The following NSFL1C variants were observed in gnomAD, a reference collection of about 807,000 sequenced individuals.
NSFL1C encodes NSFL1 cofactor.
A neutral mutation model predicts 43.1 loss-of-function variants in NSFL1C; 14 were observed. The ratio of observed to expected loss-of-function variants is 0.32; its 90% CI spans 0.21 to 0.51. The LOEUF is 0.51. NSFL1C is among the 20% of genes least tolerant of loss of function. The pLI is 0.98. For synonymous variants in NSFL1C, 171 were observed against 183.5 expected, an observed-to-expected ratio of 0.93 and a Z score of 0.55; for missense variants, 406 against 472.5, an observed-to-expected ratio of 0.86 and a Z score of 1.30.
chr20:1,448,192 C>A (rs988575849), intron 7 of NSFL1C, among the ~76,000 whole-genome samples: 2 of 152,210 alleles, frequency 1.3e-5, no homozygotes, highest in Admixed American at 6.5e-5. Flanking sequence ...CAGCTCCACG[C>A]CTTTTGGGGA....
At chr20:1,464,502 A>AG in intron 1 of NSFL1C, 76 bp from the exon 2 acceptor site, 3 of 1,220,708 alleles carry the variant, frequency 2.5e-6, no homozygotes, top group Non-Finnish European at 3.6e-6. Flanking sequence ...AGCACAAAGG[A>AG]ATACAGACAT....
Position 1,449,637 on chromosome 20 carries a change from G to A in NSFL1C, c.785+2856C>T, listed in dbSNP as rs532150306. Among the ~76,000 whole-genome samples, 7 of 152,284 alleles carry A rather than the reference G, an allele frequency of 4.6e-5. No homozygotes were observed. In the East Asian group the frequency reaches 1.3e-3, roughly 29 times the overall value. ...GGTGCTTGATTCACAGGCAGGAAAGGTTAGAGCAGACGTCTATAAATAGTG... is the reference window on the plus strand; with the variant it reads ...GGTGCTTGATTCACAGGCAGGAAAGATTAGAGCAGACGTCTATAAATAGTG... On this transcript the variant is annotated intron_variant, in intron 7 of 8. Transcript: ENST00000216879.
At chr20:1,453,228 A>AGT in intron 5 of NSFL1C, 88 bp from the exon 6 acceptor site, 1 of 765,950 alleles carries the variant, frequency 1.3e-6, no homozygotes, top group South Asian at 1.4e-5. Flanking sequence ...ACTATTTCTC[A>AGT]GTGTTGCTAC....
rs776345990 is a variant in NSFL1C at position 1,464,306 on chromosome 20, C to T, written c.203+23G>A. On this transcript the variant is annotated intron_variant, in intron 2 of 8. Coordinates refer to ENST00000216879, the MANE Select transcript of NSFL1C (RefSeq NM_016143.5). ...TTCACTGCTGGAAACACTCATGTAG[C>T]GATAATTGAAGCTGGCCCTTACCTG... is the stretch of plus-strand genomic sequence containing the variant. 3.6e-5 allele frequency: 57 copies of T among 1,600,746 alleles called. No homozygotes were observed. In the Admixed American group the frequency reaches 5.0e-4, roughly 14 times the overall value.
chr20:1,452,183 A>G (rs66497853), intron 7 of NSFL1C, among the ~76,000 whole-genome samples: 21,421 of 152,184 alleles, frequency 0.14, 1,834 homozygotes, highest in African/African-American at 0.23. Context: ...AGTGTTCTAC[A>G]TGCATCAGCT....
chr20:1,459,296 T>C lies in NSFL1C; in HGVS notation c.204-1022A>G, dbSNP rs909584011. ...GAGCTCTCACAAGATATGATCGTTTTAAAATGTCTGGCACTTCCCCCTTCA... is the reference window on the plus strand; with the variant it reads ...GAGCTCTCACAAGATATGATCGTTTCAAAATGTCTGGCACTTCCCCCTTCA... On this transcript the variant is annotated intron_variant, in intron 2 of 8. Coordinates refer to ENST00000216879, the MANE Select transcript of NSFL1C (RefSeq NM_016143.5). 3.9e-5 allele frequency among the ~76,000 whole-genome samples: 6 copies of C among 152,168 alleles called. No homozygotes were observed. The South Asian group carries it at 1.2e-3, about 31-fold the overall frequency.
intron 7 of NSFL1C, among the ~76,000 whole-genome samples, chr20:1,449,068 T>TGGCAGGTA (rs1456145752): frequency 2.0e-5 from 3 of 152,236 alleles, no homozygotes; most frequent in Admixed American, 1.3e-4. Context: ...CTATGCAGGT[T>TGGCAGGTA]GGCAGGTAAA....
chr20:1,450,437 G>A (rs1445714379), intron 7 of NSFL1C, among the ~76,000 whole-genome samples: 1 of 152,060 alleles, frequency 6.6e-6, no homozygotes, highest in Non-Finnish European at 1.5e-5. Context: ...ACATCATGGT[G>A]ATATCAAGTT....
intron 3 of NSFL1C, 152 bp from the exon 4 acceptor site, chr20:1,455,284 G>T: frequency 1.1e-6 from 1 of 880,712 alleles, no homozygotes; most frequent in Non-Finnish European, 1.9e-6. Context: ...AAGGAGGCAA[G>T]CAGGTAAAAT....
At chr20:1,447,240 A>G (rs2090078336) in intron 7 of NSFL1C, among the ~76,000 whole-genome samples, 1 of 152,182 alleles carries the variant, frequency 6.6e-6, no homozygotes. Context: ...CACAGTTTAA[A>G]TGACACTACG....
intron 8 of NSFL1C, 48 bp downstream of exon 8, chr20:1,445,618 G>A: frequency 1.3e-6 from 2 of 1,595,170 alleles, no homozygotes; most frequent in Non-Finnish European, 1.7e-6. Context: ...TTTGCGTGAG[G>A]CCCAGAGGAC....
rs183553602 is a variant in NSFL1C, at chr20:1,466,240, A to C, written c.105+480T>G. Reference sequence around the variant, plus strand: ...TAACTACGCAAGGTGAAGAAGCTCCAACCTTGCGCCACCACCCCAGAGGTA... The same window carrying C: ...TAACTACGCAAGGTGAAGAAGCTCCCACCTTGCGCCACCACCCCAGAGGTA... On this transcript the variant is annotated intron_variant, in intron 1 of 8. Coordinates refer to ENST00000216879, the MANE Select transcript of NSFL1C (RefSeq NM_016143.5). 5.1e-3 allele frequency among the ~76,000 whole-genome samples: 772 copies of C among 152,338 alleles called. 4 individuals are homozygous for C. Among genetic ancestry groups the C allele is most frequent in the African/African-American group, 0.017 (720 of 41,578 alleles).
At chr20:1,444,601 T>G (rs1278524268) in intron 8 of NSFL1C, among the ~76,000 whole-genome samples, 1 of 152,226 alleles carries the variant, frequency 6.6e-6, no homozygotes, top group African/African-American at 2.4e-5. Context: ...AAGTTTCCTT[T>G]TTGCCCCAAA....
chr20:1,451,204 G>A (rs1038403899), intron 7 of NSFL1C, among the ~76,000 whole-genome samples: 2 of 152,204 alleles, frequency 1.3e-5, no homozygotes, highest in Non-Finnish European at 2.9e-5. Flanking sequence ...TAGATGAAAT[G>A]ATGAGAACAG....
intron 5 of NSFL1C, 28 bp downstream of exon 5, chr20:1,454,185 T>C (rs763216138): frequency 1.3e-6 from 2 of 1,569,248 alleles, no homozygotes; most frequent in Non-Finnish European, 1.8e-6. Flanking sequence ...TCCACAAGCT[T>C]CCCTCATGGG....
intron 3 of NSFL1C, among the ~76,000 whole-genome samples, 170 bp from the exon 4 acceptor site, chr20:1,455,302 G>A (rs1192932950): frequency 1.3e-5 from 2 of 152,222 alleles, no homozygotes; most frequent in African/African-American, 4.8e-5. Flanking sequence ...AATGCAGTGT[G>A]AGCAGCAACA....
chr20:1,464,094 A>G (rs1000075141), intron 2 of NSFL1C: 1 of 458,120 alleles, frequency 2.2e-6, no homozygotes. Context: ...TAAAAGTCTT[A>G]AAAGTAGGTT....
In NSFL1C at chr20:1,445,519, A is replaced by G. The variant is rs1396995029; in HGVS notation, c.950+147T>C. 8 of 863,076 alleles carry G rather than the reference A, an allele frequency of 9.3e-6. No homozygotes were observed. In the East Asian group the frequency reaches 2.0e-4, roughly 22 times the overall value. The allele number at this position is 863,076 out of a possible 1,614,324, so 53.5% of individuals were successfully genotyped here. A position where few individuals can be genotyped will look rare whatever the true frequency, so the allele number is the denominator to read the frequency against. On this transcript the variant is annotated intron_variant, in intron 8 of 8. Transcript: ENST00000216879. ...CCAGAACTTAAGGCTTCAGACTTGT[A>G]GTCCTTACCACCCTCGTGTCTGCTT...
At chr20:1,451,692 G>A (rs767097788) in intron 7 of NSFL1C, among the ~76,000 whole-genome samples, 3 of 152,332 alleles carry the variant, frequency 2.0e-5, no homozygotes, top group Non-Finnish European at 4.4e-5. Context: ...TGGATCCTGA[G>A]AGAAGGCAGC....
Sources: allele counts gnomAD v4.1 joint callset (sites outside exome capture counted in the v4.1 genomes callset), GRCh38; gene constraint gnomAD v4.1.1; transcripts MANE v1.5; gene names NCBI Gene and HGNC (gene_info 2026-07-23, HGNC 2026-07-21).